The following NDUFAF5 variants were observed in gnomAD, a reference collection of about 807,000 sequenced individuals.
NDUFAF5 encodes arginine-hydroxylase NDUFAF5, mitochondrial.
A neutral mutation model predicts 48.9 loss-of-function variants in NDUFAF5; 34 were observed. That is an observed-to-expected ratio of 0.70 (90% CI 0.53 to 0.93). The LOEUF is 0.93. Among genes scored for constraint, NDUFAF5 ranks in the 40% least tolerant of loss-of-function variants. NDUFAF5 has a pLI of 0.00. For synonymous variants in NDUFAF5, 153 were observed against 150.6 expected (o/e 1.02, Z -0.12); for missense variants, 428 against 427.5 (o/e 1.00, Z -0.01).
At chr20:13,800,865 A>C (rs569548383) in intron 6 of NDUFAF5, among the ~76,000 whole-genome samples, 24 of 152,252 alleles carry the variant, frequency 1.6e-4, no homozygotes, top group African/African-American at 5.5e-4. Flanking sequence ...CTCGGTGCAC[A>C]CAGCTGGCTG....
chr20:13,786,869 T>G (rs1340463420), intron 1 of NDUFAF5, among the ~76,000 whole-genome samples: 1 of 152,220 alleles, frequency 6.6e-6, no homozygotes, highest in African/African-American at 2.4e-5. Context: ...TTCCACAAAA[T>G]TTGTTAGTCA....
At chr20:13,795,020 C>A in intron 5 of NDUFAF5, 79 bp downstream of exon 5, 1 of 946,808 alleles carries the variant, frequency 1.1e-6, no homozygotes, top group Non-Finnish European at 1.7e-6. Context: ...AGGCCAGGAG[C>A]GGTGGCTCAC....
chr20:13,787,824 T>C (rs1227249716), intron 2 of NDUFAF5, among the ~76,000 whole-genome samples: 1 of 152,190 alleles, frequency 6.6e-6, no homozygotes, highest in East Asian at 1.9e-4. Flanking sequence ...GCAATGGGGC[T>C]CTTTTTGTTC....
At chr20:13,788,923 C>T (rs1981709836) in intron 3 of NDUFAF5, among the ~76,000 whole-genome samples, 1 of 151,798 alleles carries the variant, frequency 6.6e-6, no homozygotes, top group South Asian at 2.1e-4. Flanking sequence ...TCTCTTTGTT[C>T]ACATTTTTTT....
intron 7 of NDUFAF5, among the ~76,000 whole-genome samples, chr20:13,806,656 G>A (rs1156358053): frequency 2.0e-5 from 3 of 152,204 alleles, no homozygotes. Context: ...GTTTTCAAAG[G>A]ATATTGCTTA....
chr20:13,799,276 A>G lies in NDUFAF5; in HGVS notation c.519+776A>G, dbSNP rs114264971. On this transcript the variant is annotated intron_variant, in intron 6 of 10. Transcript: ENST00000378106. The stretch of plus-strand genomic sequence containing the variant: ...TTTTGAAGAGGAAAATGACATCATT[A>G]TAAAGCTGGTGGGCAAAATAATAAT... Among the ~76,000 whole-genome samples the G allele has an allele frequency of 8.8e-4, 134 of 152,354 alleles. No individual in the cohort carries two copies. The Middle Eastern group carries it at 0.014, about 15-fold the overall frequency.
intron 8 of NDUFAF5, among the ~76,000 whole-genome samples, chr20:13,815,216 C>G (rs905739265): frequency 6.6e-6 from 1 of 152,170 alleles, no homozygotes; most frequent in African/African-American, 2.4e-5. Flanking sequence ...CCTGAGCCAA[C>G]AGACTCTTCC....
chr20:13,795,891 T>C (rs1056515768), intron 5 of NDUFAF5, among the ~76,000 whole-genome samples: 1 of 152,180 alleles, frequency 6.6e-6, no homozygotes, highest in Non-Finnish European at 1.5e-5. Context: ...TCTACTATCT[T>C]CCTCCACATA....
rs772609779 is a variant in NDUFAF5 at position 13,801,564 on chromosome 20, TC to T, written c.600del (p.Leu201TyrfsTer3). The T allele has an allele frequency of 2.5e-6, 4 of 1,614,052 alleles. No homozygotes were observed. In the African/African-American group the frequency reaches 4.0e-5, roughly 16 times the overall value. ...GGDTLYELRC[S>X]LQLAETEREG... ...CGACACACTCTATGAACTTCGGTGT[TC>T]CTTACAGTTAGCGGAAACGGAAAGG... On this transcript the variant is annotated frameshift_variant, in exon 7 of 11. Coordinates refer to ENST00000378106, the MANE Select transcript of NDUFAF5 (RefSeq NM_024120.5). LOFTEE classifies it high-confidence loss of function.
intron 6 of NDUFAF5, among the ~76,000 whole-genome samples, chr20:13,799,621 CA>C (rs1453817257): frequency 6.6e-6 from 1 of 151,372 alleles, no homozygotes; most frequent in Non-Finnish European, 1.5e-5. Flanking sequence ...TTCTCTTGAA[CA>C]CGGGAGGCAG....
intron 8 of NDUFAF5, chr20:13,813,005 A>T (rs992990449): frequency 6.6e-6 from 1 of 152,396 alleles, no homozygotes; most frequent in Admixed American, 6.5e-5. Context: ...GCTAGAGTGC[A>T]GTGGCACAAT....
Position 13,818,164 on chromosome 20 carries a change from A to G in NDUFAF5, c.*954A>G, listed in dbSNP as rs563922831. ...TCCCTCCTTTACTGTATTAGCAACA[A>G]GCTGTCCATGGGTGGGGGCTGTGTG... On this transcript the variant is annotated 3_prime_UTR_variant, in exon 11 of 11. Coordinates refer to ENST00000378106, the MANE Select transcript of NDUFAF5 (RefSeq NM_024120.5). The G allele has an allele frequency of 3.1e-5, 14 of 454,084 alleles. No individual in the cohort carries two copies. The highest frequency in any genetic ancestry group is 2.6e-4 in the African/African-American group (13 of 50,114). 28.1% of individuals were successfully genotyped at this position (454,084 alleles called of 1,614,324 possible). A position where few individuals can be genotyped will look rare whatever the true frequency, so the allele number is the denominator to read the frequency against.
chr20:13,819,018 A>G lies in NDUFAF5; in HGVS notation c.*1808A>G, dbSNP rs933551050. 2.6e-5 allele frequency: 4 copies of G among 152,250 alleles called. No homozygotes were observed. The highest frequency in any genetic ancestry group is 2.0e-4 in the Admixed American group (3 of 15,286). 9.4% of individuals were successfully genotyped at this position (152,250 alleles called of 1,614,324 possible). A position where few individuals can be genotyped will look rare whatever the true frequency, so the allele number is the denominator to read the frequency against. On this transcript the variant is annotated 3_prime_UTR_variant, in exon 11 of 11. Coordinates refer to ENST00000378106, the MANE Select transcript of NDUFAF5 (RefSeq NM_024120.5). ...GATTACTCTACTCTGGCTATCCCAA[A>G]AAAAGCTCCATTTGTTTAAAAAAAT...
intron 7 of NDUFAF5, among the ~76,000 whole-genome samples, chr20:13,803,934 T>A (rs1041131639): frequency 1.3e-5 from 2 of 151,960 alleles, no homozygotes; most frequent in Non-Finnish European, 2.9e-5. Context: ...TACAGGCACG[T>A]GCCACCACGC....
chr20:13,800,160 G>A (rs947747160), intron 6 of NDUFAF5, among the ~76,000 whole-genome samples: 2 of 152,132 alleles, frequency 1.3e-5, no homozygotes, highest in Admixed American at 6.6e-5. Flanking sequence ...GGATTGGAAA[G>A]TGGTCATTGT....
Position 13,817,227 on chromosome 20 carries a change from A to T in NDUFAF5, c.*17A>T. ...TCACAATAAATATTTATTCAGTGTT[A>T]ATGTCGTCCAGAATTTTCATCAGAA... On this transcript the variant is annotated 3_prime_UTR_variant, in exon 11 of 11. Transcript: ENST00000378106. 1.3e-6 allele frequency: 2 copies of T among 1,574,158 alleles called. No homozygotes were observed. The highest frequency in any genetic ancestry group is 1.7e-6 in the Non-Finnish European group (2 of 1,143,590).
chr20:13,812,152 G>C (rs1194671550), intron 8 of NDUFAF5, among the ~76,000 whole-genome samples: 1 of 152,190 alleles, frequency 6.6e-6, no homozygotes, highest in Non-Finnish European at 1.5e-5. Context: ...GTTCCTTCTT[G>C]TGTTGCCCAT....
At chr20:13,793,529 A>AT (rs1257570730) in intron 4 of NDUFAF5, among the ~76,000 whole-genome samples, 1 of 151,624 alleles carries the variant, frequency 6.6e-6, no homozygotes, top group Admixed American at 6.6e-5. Context: ...ACGGCACATC[A>AT]TTTTTTTTGT....
At position 13,795,226 on chromosome 20, in the gene NDUFAF5, T is replaced by C. The variant is rs56211127; in HGVS notation, c.479+285T>C. Among the ~76,000 whole-genome samples, 3,232 of 152,298 alleles carry C rather than the reference T, an allele frequency of 0.021. 118 individuals are homozygous for C. The highest frequency in any genetic ancestry group is 0.074 in the African/African-American group (3,083 of 41,564). ...TTTTTCTCCCCAGTGCATCTTAATA[T>C]TTTGGAATTGCTCTTGTTGGGAGCA... On this transcript the variant is annotated intron_variant, in intron 5 of 10. Coordinates refer to ENST00000378106, the MANE Select transcript of NDUFAF5 (RefSeq NM_024120.5).
Sources: gnomAD v4.1 joint callset for allele counts (sites outside exome capture counted in the v4.1 genomes callset) on GRCh38, gnomAD v4.1.1 for gene constraint, MANE v1.5 for transcripts, NCBI Gene and HGNC (gene_info 2026-07-23, HGNC 2026-07-21) for gene names.